The following CRYBG1 variants were observed in gnomAD, a reference collection of about 807,000 sequenced individuals.
CRYBG1 encodes the protein crystallin beta-gamma domain containing 1.
In CRYBG1, 139 loss-of-function variants were observed where a neutral mutation model predicts 189.2. The ratio of observed to expected loss-of-function variants is 0.73; its 90% CI spans 0.64 to 0.85. The LOEUF is 0.85. Among genes scored for constraint, CRYBG1 ranks in the 40% least tolerant of loss-of-function variants. The pLI is 0.00. For synonymous variants in CRYBG1, 1,023 were observed against 1,017.1 expected (o/e 1.01, Z -0.11); for missense variants, 2,611 against 2,675.8 (o/e 0.98, Z 0.53).
chr6:106,448,207 G>A (rs915060146), intron 1 of CRYBG1, among the ~76,000 whole-genome samples: 3 of 152,222 alleles, frequency 2.0e-5, no homozygotes, highest in Admixed American at 6.5e-5. Context: ...AAATCATGGC[G>A]TCCATGGCCA....
intron 3 of CRYBG1, among the ~76,000 whole-genome samples, chr6:106,517,435 C>CACATATAT (rs1554188251): frequency 8.0e-6 from 1 of 124,312 alleles, no homozygotes; most frequent in African/African-American, 3.4e-5. Flanking sequence ...TATATACACA[C>CACATATAT]ACACATATAT....
chr6:106,506,446 C>CTTTTTT (rs67154803), intron 2 of CRYBG1, among the ~76,000 whole-genome samples: 118 of 69,946 alleles, frequency 1.7e-3, no homozygotes, highest in African/African-American at 2.4e-3. Context: ...TTTCTTGTCA[C>CTTTTTT]TTTTTTTTTT....
In CRYBG1 at chr6:106,558,639, T is replaced by G. The variant is rs940870489; in HGVS notation, c.5855+14T>G. ...TATTGGTGGCATGTGAGTTACCTACTTGTTGACTCAATAAAATAGATCATT... is the reference window on the plus strand; with the variant it reads ...TATTGGTGGCATGTGAGTTACCTACGTGTTGACTCAATAAAATAGATCATT... On this transcript the variant is annotated intron_variant, in intron 18 of 21. Transcript: ENST00000633556. The G allele has an allele frequency of 2.5e-6, 4 of 1,592,850 alleles. No individual in the cohort carries two copies. The highest frequency in any genetic ancestry group is 3.4e-6 in the Non-Finnish European group (4 of 1,171,860).
At chr6:106,424,229 T>C (rs938469236) in intron 1 of CRYBG1, among the ~76,000 whole-genome samples, 1 of 152,132 alleles carries the variant, frequency 6.6e-6, no homozygotes, top group Non-Finnish European at 1.5e-5. Context: ...CAATAAAATG[T>C]ATTTTTTTCT....
At chr6:106,553,630 C>A in intron 16 of CRYBG1, 63 bp downstream of exon 16, 2 of 1,116,654 alleles carry the variant, frequency 1.8e-6, no homozygotes, top group Non-Finnish European at 2.7e-6. Context: ...CACACATCAG[C>A]AAGTATATAG....
intron 1 of CRYBG1, among the ~76,000 whole-genome samples, chr6:106,445,044 G>C (rs1472573472): frequency 6.6e-6 from 1 of 152,134 alleles, no homozygotes; most frequent in Non-Finnish European, 1.5e-5. Flanking sequence ...AATGCAATCA[G>C]GAAGTAGAGG....
chr6:106,431,548 C>T (rs1461175425), intron 1 of CRYBG1, among the ~76,000 whole-genome samples: 1 of 151,994 alleles, frequency 6.6e-6, no homozygotes, highest in East Asian at 1.9e-4. Context: ...GGGCAAATAA[C>T]TTGCTTGTTC....
intron 1 of CRYBG1, among the ~76,000 whole-genome samples, chr6:106,424,607 A>G (rs1771192491): frequency 6.6e-6 from 1 of 151,964 alleles, no homozygotes; most frequent in Non-Finnish European, 1.5e-5. Context: ...GATTACAGGC[A>G]CCCACCACCT....
At position 106,541,393 on chromosome 6, in the gene CRYBG1, G is replaced by C. The variant is rs1774126260; in HGVS notation, c.4846-193G>C. ...TCAGCTTATAGACTGCTTGTGCGAG[G>C]CTCCGTTCTAGCCTGCCTTCCTCGT... On this transcript the variant is annotated intron_variant, in intron 9 of 21. Transcript: ENST00000633556. The C allele has an allele frequency of 1.3e-5, 9 of 680,706 alleles. No individual in the cohort carries two copies. In the Admixed American group the frequency reaches 2.0e-4, roughly 15 times the overall value. The allele number at this position is 680,706 out of a possible 1,614,324, so 42.2% of individuals were successfully genotyped here. A position where few individuals can be genotyped will look rare whatever the true frequency, so the allele number is the denominator to read the frequency against.
intron 2 of CRYBG1, among the ~76,000 whole-genome samples, chr6:106,486,458 G>A (rs1442922805): frequency 6.6e-6 from 1 of 152,048 alleles, no homozygotes; most frequent in Non-Finnish European, 1.5e-5. Flanking sequence ...GTGTCTGTTA[G>A]GTCAATTTGG....
chr6:106,559,610 C>G (rs965821236), intron 18 of CRYBG1, among the ~76,000 whole-genome samples: 1 of 151,908 alleles, frequency 6.6e-6, no homozygotes, highest in Non-Finnish European at 1.5e-5. Context: ...GTGGTGAAAC[C>G]CTGTCTCTAC....
chr6:106,469,770 G>C (rs889116316), intron 2 of CRYBG1, among the ~76,000 whole-genome samples: 1 of 150,498 alleles, frequency 6.6e-6, no homozygotes, highest in Non-Finnish European at 1.5e-5. Context: ...GGCATTAAAA[G>C]AAAAAAAAAG....
At chr6:106,371,675 G>T (rs963604764) in intron 1 of CRYBG1, among the ~76,000 whole-genome samples, 2 of 152,204 alleles carry the variant, frequency 1.3e-5, no homozygotes, top group Admixed American at 1.3e-4. Context: ...GTATTCCTGT[G>T]TATCAGTATA....
At chr6:106,538,183 C>T (rs1308537172) in intron 8 of CRYBG1, among the ~76,000 whole-genome samples, 2 of 152,226 alleles carry the variant, frequency 1.3e-5, no homozygotes, top group South Asian at 2.1e-4. Flanking sequence ...GTACATTAAC[C>T]CCTCTCTTAT....
rs1775040078 is a variant in CRYBG1, at chr6:106,570,892, A to T, written c.*2326A>T. 2 of 152,256 alleles carry T rather than the reference A, an allele frequency of 1.3e-5. No homozygotes were observed. The allele number at this position is 152,256 out of a possible 1,614,324, so 9.4% of individuals were successfully genotyped here. On this transcript the variant is annotated 3_prime_UTR_variant, in exon 22 of 22. Coordinates refer to ENST00000633556, the MANE Select transcript of CRYBG1 (RefSeq NM_001371242.2). ...AGCAGAAATCTCAAAACAGGTCTAC[A>T]TCAAAAGTTACAAGCAAGCATATCA...
At chr6:106,513,959 T>A (rs1471756342) in intron 3 of CRYBG1, among the ~76,000 whole-genome samples, 1 of 152,208 alleles carries the variant, frequency 6.6e-6, no homozygotes, top group Non-Finnish European at 1.5e-5. Flanking sequence ...CCTACAACTG[T>A]GACTCAGGAT....
chr6:106,465,742 T>C (rs1467770837), intron 2 of CRYBG1, among the ~76,000 whole-genome samples: 12 of 152,244 alleles, frequency 7.9e-5, no homozygotes, highest in Non-Finnish European at 2.9e-5. Flanking sequence ...AGAAACTGTA[T>C]CACATTGTTA....
intron 1 of CRYBG1, among the ~76,000 whole-genome samples, chr6:106,422,344 A>ATTTATTTATTTATTTATTTATTTATTTT (rs57640822): frequency 1.4e-5 from 2 of 139,928 alleles, no homozygotes; most frequent in South Asian, 2.5e-4. Context: ...TTATTTATTT[A>ATTTATTTATTTATTTATTTATTTATTTT]TTTTTGAGAC....
At position 106,563,755 on chromosome 6, in the gene CRYBG1, A is replaced by C. The variant is rs908599601; in HGVS notation, c.6139-9A>C. 1.3e-5 allele frequency: 20 copies of C among 1,593,792 alleles called. No individual in the cohort carries two copies. The highest frequency in any genetic ancestry group is 1.1e-4 in the East Asian group (5 of 44,236). On this transcript the variant is annotated splice_polypyrimidine_tract_variant and intron_variant, in intron 20 of 21. Transcript: ENST00000633556. ...ATATTTAAGATATCTGGTCTTTTCC[A>C]CTGAGCAGATAGCAGAAGACTGCTG... is the stretch of plus-strand genomic sequence containing the variant.
Sources: allele counts gnomAD v4.1 joint callset (sites outside exome capture counted in the v4.1 genomes callset), GRCh38; gene constraint gnomAD v4.1.1; transcripts MANE v1.5; gene names NCBI Gene and HGNC (gene_info 2026-07-23, HGNC 2026-07-21).